Variants in AP3M1 observed in about 807,000 individuals in gnomAD.
The protein encoded by AP3M1 is AP-3 complex subunit mu-1.
Under a neutral mutation model 42.6 loss-of-function variants are expected in AP3M1, and 29 were observed. The observed-to-expected ratio is 0.68, with a 90% CI of 0.51 to 0.93. The LOEUF is 0.93. Ranked by LOEUF, AP3M1 falls within the 40% of genes least tolerant of loss-of-function variation. The probability of loss-of-function intolerance (pLI) is 0.00; values close to 1 mark genes in which losing one functional copy is unlikely to be tolerated. For synonymous variants in AP3M1, 178 were observed against 175.3 expected (o/e 1.02, Z -0.12); for missense variants, 416 against 510.2 (o/e 0.82, Z 1.78).
chr10:74,130,135 A>G (rs1840739889), intron 4 of AP3M1, 143 bp from the exon 5 acceptor site: 1 of 640,858 alleles, frequency 1.6e-6, no homozygotes, highest in Non-Finnish European at 2.7e-6. Context: ...CAGTTGTATG[A>G]TCATAGCTCA....
chr10:74,126,169 A>G lies in AP3M1; in HGVS notation c.990T>C (p.Tyr330=). 1 of 1,614,200 alleles carries G rather than the reference A, an allele frequency of 6.2e-7. No homozygotes were observed. Among genetic ancestry groups the G allele is most frequent in the Non-Finnish European group, 8.5e-7 (1 of 1,180,026 alleles). ...NMNLTPTQGS[Y]TFDPVTKVLT... ...GTACCTTGGTGACTGGATCAAATGT[A>G]TAGCTGCCTTGTGTGGGTGTCAGGT... The change falls in exon 7 of 9, where the codon TAT becomes TAC. Residue 330 remains tyrosine (Y), a synonymous_variant. Coordinates refer to ENST00000355264, the MANE Select transcript of AP3M1 (RefSeq NM_012095.6).
At chr10:74,140,215 T>A (rs1312994233) in intron 1 of AP3M1, among the ~76,000 whole-genome samples, 1 of 152,172 alleles carries the variant, frequency 6.6e-6, no homozygotes, top group African/African-American at 2.4e-5. Context: ...GAGCCTGCGT[T>A]TCCTGAGCCA....
chr10:74,129,192 T>G lies in AP3M1; in HGVS notation c.719A>C (p.Lys240Thr). 1 of 1,614,126 alleles carries G rather than the reference T, an allele frequency of 6.2e-7. No homozygotes were observed. The highest frequency in any genetic ancestry group is 8.5e-7 in the Non-Finnish European group (1 of 1,180,004). The stretch of plus-strand genomic sequence containing the variant: ...CAAAACTCTTTCAGATTCCCAACGC[T>G]TGAACCGGATGCAGGGGTGAAAGCT... The part of the protein sequence containing the change: ...DVSFHPCIRF[K>T]RWESERVLSF... Residue 240 changes from lysine to threonine, a missense_variant, in exon 6 of 9, where the codon AAG becomes ACG. By Grantham distance (78) the Lys-to-Thr change is moderately conservative. Transcript: ENST00000355264.
chr10:74,140,313 C>T (rs942502265), intron 1 of AP3M1, among the ~76,000 whole-genome samples: 7 of 152,232 alleles, frequency 4.6e-5, no homozygotes, highest in Non-Finnish European at 7.4e-5. Flanking sequence ...AGCTGGTCGC[C>T]GTAGGTTAAA....
rs1470797970 is a variant in AP3M1, at chr10:74,123,752, T to G, written c.*58A>C. 1 of 1,297,006 alleles carries G rather than the reference T, an allele frequency of 7.7e-7. No homozygotes were observed. Among genetic ancestry groups the G allele is most frequent in the East Asian group, 2.3e-5 (1 of 43,470 alleles). 80.3% of individuals were successfully genotyped at this position (1,297,006 alleles called of 1,614,324 possible). On this transcript the variant is annotated 3_prime_UTR_variant, in exon 9 of 9. Transcript: ENST00000355264. The stretch of plus-strand genomic sequence containing the variant: ...TTCCCACTCACTTGGTACCTAATAG[T>G]GATACATCGTAATGACACTTGGAAA...
chr10:74,129,984 C>T lies in AP3M1; in HGVS notation c.592G>A (p.Val198Ile), dbSNP rs770426951. 3 of 1,590,084 alleles carry T rather than the reference C, an allele frequency of 1.9e-6. No homozygotes were observed. The highest frequency in any genetic ancestry group is 2.6e-6 in the Non-Finnish European group (3 of 1,170,818). Residue 198 changes from valine to isoleucine, a missense_variant, in exon 5 of 9, where the codon GTC (valine) becomes ATC (isoleucine). By Grantham distance (29) the Val-to-Ile change is conservative. Coordinates refer to ENST00000355264, the MANE Select transcript of AP3M1 (RefSeq NM_012095.6). The stretch of plus-strand genomic sequence containing the variant: ...ATGACCCCCTGAATTTCTGCAAAGA[C>T]TGTAGATCCTGAAGAAAGAAAAAAA... ...DAIIDKSGST[V>I]FAEIQGVIDA...
rs1840615168 is a variant in AP3M1 at position 74,126,367 on chromosome 10, AAC to A, written c.804-14_804-13del. On this transcript the variant is annotated splice_polypyrimidine_tract_variant and intron_variant, in intron 6 of 8. Coordinates refer to ENST00000355264, the MANE Select transcript of AP3M1 (RefSeq NM_012095.6). ...GTATTGCCACTAGACTAAAAAGAGA[AAC>A]AGAGAAAGATACAAAAGCACAAACA... 1 of 1,608,746 alleles carries A rather than the reference AAC, an allele frequency of 6.2e-7. No individual in the cohort carries two copies. Among genetic ancestry groups the A allele is most frequent in the Non-Finnish European group, 8.5e-7 (1 of 1,175,586 alleles).
intron 1 of AP3M1, 50 bp downstream of exon 1, chr10:74,150,705 G>A (rs998256823): frequency 1.9e-5 from 3 of 154,264 alleles, no homozygotes; most frequent in African/African-American, 4.8e-5. Flanking sequence ...GCCTACTCCC[G>A]GGTTTTGGAG....
At chr10:74,148,005 A>T (rs1841384827) in intron 1 of AP3M1, among the ~76,000 whole-genome samples, 1 of 152,168 alleles carries the variant, frequency 6.6e-6, no homozygotes, top group South Asian at 2.1e-4. Context: ...CTCAGAAAAA[A>T]AAAATAGTTT....
chr10:74,133,287 G>A (rs960153080), intron 4 of AP3M1, among the ~76,000 whole-genome samples: 4 of 152,012 alleles, frequency 2.6e-5, no homozygotes, highest in Non-Finnish European at 4.4e-5. Flanking sequence ...CCAGGTACTC[G>A]GGAGGCTGAG....
In AP3M1 at chr10:74,138,136, A is replaced by G. The variant is rs747244362; in HGVS notation, c.244T>C (p.Phe82Leu). The change falls in exon 2 of 9, where the codon TTC (phenylalanine) becomes CTC (leucine). Residue 82 changes from phenylalanine (F) to leucine (L), a missense_variant. By Grantham distance (22) the Phe-to-Leu change is conservative. Coordinates refer to ENST00000355264, the MANE Select transcript of AP3M1 (RefSeq NM_012095.6). ...TEVPPLFVIEFLHRVADTFQD... is the reference protein window; with the variant it reads ...TEVPPLFVIELLHRVADTFQD... The stretch of plus-strand genomic sequence containing the variant: ...AAAGTGTCAGCAACTCGATGTAGGA[A>G]CTCAATTACAAAGAGAGGTGGCACT... 6.2e-7 allele frequency: 1 copy of G among 1,614,052 alleles called. No individual in the cohort carries two copies. Among genetic ancestry groups the G allele is most frequent in the South Asian group, 1.1e-5 (1 of 91,064 alleles).
chr10:74,135,963 T>A (rs1591753720), intron 3 of AP3M1, among the ~76,000 whole-genome samples: 1 of 152,330 alleles, frequency 6.6e-6, no homozygotes, highest in East Asian at 1.9e-4. Context: ...GAGTGGCATA[T>A]AACATTTCAT....
intron 1 of AP3M1, among the ~76,000 whole-genome samples, chr10:74,139,537 T>C (rs1251561928): frequency 6.7e-6 from 1 of 149,680 alleles, no homozygotes; most frequent in Non-Finnish European, 1.5e-5. Flanking sequence ...ATCCCAGCAC[T>C]TGGGGAGGCC....
chr10:74,147,300 G>T (rs1464985185), intron 1 of AP3M1, among the ~76,000 whole-genome samples: 1 of 151,864 alleles, frequency 6.6e-6, no homozygotes, highest in Non-Finnish European at 1.5e-5. Flanking sequence ...CAACAAAAAA[G>T]AATTGAAAAT....
At chr10:74,127,831 T>C (rs1302651680) in intron 6 of AP3M1, among the ~76,000 whole-genome samples, 1 of 152,066 alleles carries the variant, frequency 6.6e-6, no homozygotes, top group African/African-American at 2.4e-5. Flanking sequence ...CCAGGCACGG[T>C]GGCTCACGCC....
chr10:74,144,040 C>A (rs1384236725), intron 1 of AP3M1, among the ~76,000 whole-genome samples: 1 of 152,180 alleles, frequency 6.6e-6, no homozygotes, highest in Non-Finnish European at 1.5e-5. Context: ...CTGCTCACTG[C>A]AAGCTCCGCC....
intron 3 of AP3M1, among the ~76,000 whole-genome samples, chr10:74,134,520 C>G (rs1326985961): frequency 6.6e-6 from 1 of 152,236 alleles, no homozygotes; most frequent in Non-Finnish European, 1.5e-5. Context: ...TAAAATGTCT[C>G]CAGTGAGAAT....
At position 74,122,896 on chromosome 10, in the gene AP3M1, T is replaced by TGG. The variant is rs1840508851; in HGVS notation, c.*913_*914insCC. The TGG allele has an allele frequency of 6.6e-6, 1 of 152,296 alleles. No homozygotes were observed. The highest frequency in any genetic ancestry group is 1.5e-5 in the Non-Finnish European group (1 of 68,048). 9.4% of individuals were successfully genotyped at this position (152,296 alleles called of 1,614,324 possible). ...ATGAGGCATTTAGGTTAACCATGGC[T>TGG]TAACTGGTGTTGGGTAAGCTTTATA... On this transcript the variant is annotated 3_prime_UTR_variant, in exon 9 of 9. Transcript: ENST00000355264.
intron 4 of AP3M1, 137 bp downstream of exon 4, chr10:74,133,890 T>C (rs1840860965): frequency 4.1e-6 from 4 of 986,924 alleles, no homozygotes; most frequent in African/African-American, 1.6e-5. Context: ...TCTGACCTCA[T>C]GTTCCGCCTG....
Sources: gnomAD v4.1 joint callset for allele counts (sites outside exome capture counted in the v4.1 genomes callset) on GRCh38, gnomAD v4.1.1 for gene constraint, MANE v1.5 for transcripts, NCBI Gene and HGNC (gene_info 2026-07-23, HGNC 2026-07-21) for gene names.